The following PHOX2A variants were observed in gnomAD, a reference collection of about 807,000 sequenced individuals.
The protein encoded by PHOX2A is paired mesoderm homeobox protein 2A.
In PHOX2A, 10 loss-of-function variants were observed where a neutral mutation model predicts 16.4. The ratio of observed to expected loss-of-function variants is 0.61; its 90% CI spans 0.38 to 1.04. The LOEUF (loss-of-function observed/expected upper bound fraction) is 1.04, where lower values mean the gene tolerates loss of function less well. Ranked by LOEUF, PHOX2A falls within the 50% of genes least tolerant of loss-of-function variation. The pLI is 0.01. For missense variants in PHOX2A, 361 were observed against 419.4 expected, an observed-to-expected ratio of 0.86 and a Z score of 1.22; for synonymous variants, 219 against 203.8, an observed-to-expected ratio of 1.07 and a Z score of -0.64.
intron 2 of PHOX2A, 59 bp from the exon 3 acceptor site, chr11:72,240,257 C>A (rs369617750): frequency 1.1e-5 from 16 of 1,520,914 alleles, no homozygotes; most frequent in East Asian, 5.0e-5. Context: ...GGGGTCAGCC[C>A]GCGGCCGCAA....
chr11:72,243,823 G>A lies in PHOX2A; in HGVS notation c.182C>T (p.Ala61Val). 8.0e-7 allele frequency: 1 copy of A among 1,250,672 alleles called. No individual in the cohort carries two copies. The highest frequency in any genetic ancestry group is 1.0e-6 in the Non-Finnish European group (1 of 995,590). 77.5% of individuals were successfully genotyped at this position (1,250,672 alleles called of 1,614,324 possible). A position where few individuals can be genotyped will look rare whatever the true frequency, so the allele number is the denominator to read the frequency against. The change falls in exon 1 of 3, where the codon GCC becomes GTC. Residue 61 changes from alanine to valine, a missense_variant. Ala to Val is a moderately conservative substitution (Grantham distance 64). Coordinates refer to ENST00000298231, the MANE Select transcript of PHOX2A (RefSeq NM_005169.4). Reference protein sequence around the residue: ...ALGSSNCALGALRDHQPAPYS... With the variant: ...ALGSSNCALGVLRDHQPAPYS... ...GGGCGCGGGCTGGTGGTCGCGTAGG[G>A]CGCCAAGTGCGCAGTTGGAGGAGCC...
chr11:72,239,820 C>A lies in PHOX2A; in HGVS notation c.784G>T (p.Gly262Trp). 1 of 1,363,216 alleles carries A rather than the reference C, an allele frequency of 7.3e-7. No homozygotes were observed. Among genetic ancestry groups the A allele is most frequent in the East Asian group, 2.9e-5 (1 of 34,088 alleles). 84.4% of individuals were successfully genotyped at this position (1,363,216 alleles called of 1,614,324 possible). Reference protein sequence around the residue: ...KAWQPAESGPGPFSGVLSSFH... With the variant: ...KAWQPAESGPWPFSGVLSSFH... ...GAGGACAGAACCCCGGAGAAGGGCC[C>A]GGGGCCGGACTCCGCCGGCTGCCAA... Residue 262 changes from glycine (G) to tryptophan (W), a missense_variant, in exon 3 of 3, where the codon GGG (glycine) becomes TGG (tryptophan). Gly to Trp is a radical substitution (Grantham distance 184, BLOSUM62 -2). Transcript: ENST00000298231.
rs1268680495 is a variant in PHOX2A at position 72,242,664 on chromosome 11, C to CT, written c.217+1123dup. Among the ~76,000 whole-genome samples the CT allele has an allele frequency of 1.7e-3, 242 of 145,166 alleles. 1 individual carries two copies. The highest frequency in any genetic ancestry group is 0.016 in the East Asian group (82 of 5,106). On this transcript the variant is annotated intron_variant, in intron 1 of 2. Transcript: ENST00000298231. Reference sequence around the variant, plus strand: ...GCCCAGTCTTCTTCTTCTTCTTCTTCTTTTTTTTTTGAGACCGAGTCTCAT... The same window carrying CT: ...GCCCAGTCTTCTTCTTCTTCTTCTTCTTTTTTTTTTTGAGACCGAGTCTCAT...
At position 72,240,210 on chromosome 11, in the gene PHOX2A, G is replaced by C. The variant is rs771288660; in HGVS notation, c.406-12C>G. Reference sequence around the variant, plus strand: ...TTCTGGAACCAGACCTGCGGGCACAGGGGCCAGTCAGCCTGGACGAGGGTC... The same window carrying C: ...TTCTGGAACCAGACCTGCGGGCACACGGGCCAGTCAGCCTGGACGAGGGTC... On this transcript the variant is annotated splice_polypyrimidine_tract_variant and intron_variant, in intron 2 of 2. Coordinates refer to ENST00000298231, the MANE Select transcript of PHOX2A (RefSeq NM_005169.4). 1 of 1,533,044 alleles carries C rather than the reference G, an allele frequency of 6.5e-7. No individual in the cohort carries two copies. Among genetic ancestry groups the C allele is most frequent in the Non-Finnish European group, 8.7e-7 (1 of 1,145,182 alleles). 95.0% of individuals were successfully genotyped at this position (1,533,044 alleles called of 1,614,324 possible). A position where few individuals can be genotyped will look rare whatever the true frequency, so the allele number is the denominator to read the frequency against.
Position 72,243,774 on chromosome 11 carries a change from G to A in PHOX2A, c.217+14C>T. 5 of 1,236,162 alleles carry A rather than the reference G, an allele frequency of 4.0e-6. No individual in the cohort carries two copies. Among genetic ancestry groups the A allele is most frequent in the South Asian group, 6.8e-5 (2 of 29,508 alleles). 76.6% of individuals were successfully genotyped at this position (1,236,162 alleles called of 1,614,324 possible). A position where few individuals can be genotyped will look rare whatever the true frequency, so the allele number is the denominator to read the frequency against. ...CAGGAATTGGAGGGAGGGTTGGGCC[G>A]GGGCTGCGCTCACCTGCCGAGTAGG... On this transcript the variant is annotated intron_variant, in intron 1 of 2. Coordinates refer to ENST00000298231, the MANE Select transcript of PHOX2A (RefSeq NM_005169.4).
chr11:72,242,694 T>C (rs942908379), intron 1 of PHOX2A, among the ~76,000 whole-genome samples: 1 of 152,008 alleles, frequency 6.6e-6, no homozygotes, highest in African/African-American at 2.4e-5. Flanking sequence ...TCTCATTCTG[T>C]CACCCAGGCT....
intron 1 of PHOX2A, 83 bp from the exon 2 acceptor site, chr11:72,241,372 T>C: frequency 2.4e-6 from 2 of 835,776 alleles, no homozygotes; most frequent in Non-Finnish European, 3.7e-6. Context: ...TGTGTCCAGC[T>C]CCGGGGGAAT....
At chr11:72,243,038 C>T (rs1446854235) in intron 1 of PHOX2A, among the ~76,000 whole-genome samples, 2 of 152,138 alleles carry the variant, frequency 1.3e-5, no homozygotes, top group Middle Eastern at 3.2e-3. Context: ...TTACATAGGG[C>T]AGGCTGGGAC....
At chr11:72,241,041 A>T in intron 2 of PHOX2A, 61 bp downstream of exon 2, 1 of 1,549,108 alleles carries the variant, frequency 6.5e-7, no homozygotes, top group Non-Finnish European at 8.9e-7. Flanking sequence ...CAGGTGTTAG[A>T]CATTAAGCTC....
At position 72,239,295 on chromosome 11, in the gene PHOX2A, T is replaced by TATCCCGG. The variant is rs1411414514; in HGVS notation, c.*447_*453dup. The TATCCCGG allele has an allele frequency of 1.9e-5, 3 of 154,774 alleles. No homozygotes were observed. The highest frequency in any genetic ancestry group is 7.2e-5 in the African/African-American group (3 of 41,456). 9.6% of individuals were successfully genotyped at this position (154,774 alleles called of 1,614,324 possible). ...GGATGAATTGGCGGTGGTCATTAAT[T>TATCCCGG]ATCCCGGCGACCACCAGCCTCTGTA... On this transcript the variant is annotated 3_prime_UTR_variant, in exon 3 of 3. Transcript: ENST00000298231.
Position 72,239,641 on chromosome 11 carries a change from A to C in PHOX2A, c.*108T>G. ...CGAGGGGTGAGACAGTAGGGAGTGGAGACGGATGGGGACTTCCAGGCGGGT... is the reference window on the plus strand; with the variant it reads ...CGAGGGGTGAGACAGTAGGGAGTGGCGACGGATGGGGACTTCCAGGCGGGT... On this transcript the variant is annotated 3_prime_UTR_variant, in exon 3 of 3. Transcript: ENST00000298231. The C allele has an allele frequency of 1.2e-6, 1 of 843,562 alleles. No individual in the cohort carries two copies. The highest frequency in any genetic ancestry group is 1.6e-6 in the Non-Finnish European group (1 of 618,522). 52.3% of individuals were successfully genotyped at this position (843,562 alleles called of 1,614,324 possible).
chr11:72,241,323 C>CCA, intron 1 of PHOX2A, 34 bp from the exon 2 acceptor site: 1 of 937,962 alleles, frequency 1.1e-6, no homozygotes, highest in Non-Finnish European at 1.5e-6. Flanking sequence ...GGGGGGGGGG[C>CCA]AAAAAGGATG....
Position 72,243,782 on chromosome 11 carries a change from G to C in PHOX2A, c.217+6C>G. ...GGAGGGAGGGTTGGGCCGGGGCTGC[G>C]CTCACCTGCCGAGTAGGGCGCGGGC... On this transcript the variant is annotated splice_donor_region_variant and intron_variant, in intron 1 of 2. Transcript: ENST00000298231. The C allele has an allele frequency of 8.0e-7, 1 of 1,243,468 alleles. No individual in the cohort carries two copies. Among genetic ancestry groups the C allele is most frequent in the Non-Finnish European group, 1.0e-6 (1 of 992,036 alleles). The allele number at this position is 1,243,468 out of a possible 1,614,324, so 77.0% of individuals were successfully genotyped here. A position where few individuals can be genotyped will look rare whatever the true frequency, so the allele number is the denominator to read the frequency against.
chr11:72,241,213 G>C lies in PHOX2A; in HGVS notation c.294C>G (p.Thr98=). The C allele has an allele frequency of 6.2e-7, 1 of 1,613,730 alleles. No individual in the cohort carries two copies. The highest frequency in any genetic ancestry group is 1.1e-5 in the South Asian group (1 of 91,074). The change falls in exon 2 of 3, where the codon ACC becomes ACG. Residue 98 remains threonine, a synonymous_variant. Coordinates refer to ENST00000298231, the MANE Select transcript of PHOX2A (RefSeq NM_005169.4). ...GCTCCAGCTCCTTGAGCTGCGCGCT[G>C]GTGAACGTGGTGCGGATGCGCCGCT... ...RKQRRIRTTF[T]SAQLKELERV...
chr11:72,240,856 C>A (rs1174711851), intron 2 of PHOX2A, among the ~76,000 whole-genome samples: 3 of 152,200 alleles, frequency 2.0e-5, no homozygotes, highest in Non-Finnish European at 4.4e-5. Context: ...GCTTCTCAAG[C>A]ATCACTCGGA....
Position 72,244,083 on chromosome 11 carries a change from G to T in PHOX2A, c.-79C>A, listed in dbSNP as rs1422586498. Reference sequence around the variant, plus strand: ...CGGGTGGAGGTCGGAAGGGAGGTTCGAGCGCCAGGCTCCGAGGACCCGAGG... The same window carrying T: ...CGGGTGGAGGTCGGAAGGGAGGTTCTAGCGCCAGGCTCCGAGGACCCGAGG... On this transcript the variant is annotated 5_prime_UTR_variant, in exon 1 of 3. Coordinates refer to ENST00000298231, the MANE Select transcript of PHOX2A (RefSeq NM_005169.4). 1 of 675,100 alleles carries T rather than the reference G, an allele frequency of 1.5e-6. No homozygotes were observed. Among genetic ancestry groups the T allele is most frequent in the African/African-American group, 1.9e-5 (1 of 53,708 alleles). The allele number at this position is 675,100 out of a possible 1,614,324, so 41.8% of individuals were successfully genotyped here. A position where few individuals can be genotyped will look rare whatever the true frequency, so the allele number is the denominator to read the frequency against.
At chr11:72,241,960 T>C (rs1489898440) in intron 1 of PHOX2A, among the ~76,000 whole-genome samples, 1 of 144,678 alleles carries the variant, frequency 6.9e-6, no homozygotes, top group Non-Finnish European at 1.5e-5. Flanking sequence ...CTTCCTAATC[T>C]TCCTCCATTT....
chr11:72,243,847 C>A lies in PHOX2A; in HGVS notation c.158G>T (p.Gly53Val). 1 of 1,260,138 alleles carries A rather than the reference C, an allele frequency of 7.9e-7. No homozygotes were observed. The highest frequency in any genetic ancestry group is 3.1e-5 in the East Asian group (1 of 31,802). 78.1% of individuals were successfully genotyped at this position (1,260,138 alleles called of 1,614,324 possible). A position where few individuals can be genotyped will look rare whatever the true frequency, so the allele number is the denominator to read the frequency against. ...PAAGPPCPAL[G>V]SSNCALGALR... ...GGCGCCAAGTGCGCAGTTGGAGGAG[C>A]CGAGCGCGGGGCAGGGCGGCCCTGC... The change falls in exon 1 of 3, where the codon GGC becomes GTC. Residue 53 changes from glycine (G) to valine (V), a missense_variant. By Grantham distance (109) the Gly-to-Val change is moderately radical. Around this residue, in one of 3 missense-constraint regions of PHOX2A, gnomAD observed 235 missense variants for 263.8 expected, o/e 0.89. Coordinates refer to ENST00000298231, the MANE Select transcript of PHOX2A (RefSeq NM_005169.4).
chr11:72,240,887 GA>G (rs1186339947), intron 2 of PHOX2A, among the ~76,000 whole-genome samples: 1 of 152,210 alleles, frequency 6.6e-6, no homozygotes, highest in Non-Finnish European at 1.5e-5. Context: ...CTAAGAGGGA[GA>G]CAGAGCGGAG....
Sources: allele counts gnomAD v4.1 joint callset (sites outside exome capture counted in the v4.1 genomes callset), GRCh38; gene constraint gnomAD v4.1.1; regional missense constraint gnomAD v4.1.1; transcripts MANE v1.5; gene names NCBI Gene and HGNC (gene_info 2026-07-23, HGNC 2026-07-21).